The following GLMN variants were observed in gnomAD, a reference collection of about 807,000 sequenced individuals.
The protein encoded by GLMN is glomulin.
In GLMN, 75 loss-of-function variants were observed where a neutral mutation model predicts 87.8. That is an observed-to-expected ratio of 0.85 (90% CI 0.71 to 1.04). The LOEUF (loss-of-function observed/expected upper bound fraction) is 1.04. Among genes scored for constraint, GLMN ranks in the 50% least tolerant of loss-of-function variants. The probability of loss-of-function intolerance (pLI) is 0.00; values close to 1 mark genes in which losing one functional copy is unlikely to be tolerated. For synonymous variants in GLMN, 206 were observed against 221.6 expected (o/e 0.93, Z 0.63); for missense variants, 588 against 658.8 (o/e 0.89, Z 1.18).
chr1:92,365,059 C>T, the GLMN span, among the ~76,000 whole-genome samples: 2 of 152,158 alleles, frequency 1.3e-5, no homozygotes, highest in Admixed American at 1.3e-4. Context: ...ATGCTTGAAA[C>T]TTATTTTCTT....
At chr1:92,357,290 A>C in the GLMN span, among the ~76,000 whole-genome samples, 1 of 152,204 alleles carries the variant, frequency 6.6e-6, no homozygotes, top group Non-Finnish European at 1.5e-5. Context: ...TGAATGTGTT[A>C]AATGCCAAAA....
the GLMN span, among the ~76,000 whole-genome samples, chr1:92,316,356 C>T: frequency 6.6e-6 from 1 of 152,166 alleles, no homozygotes; most frequent in South Asian, 2.1e-4. Context: ...CTTTCTGAAA[C>T]AGGGTTTGAC....
Position 92,297,953 on chromosome 1 carries a change from A to T in GLMN, c.39+8T>A, listed in dbSNP as rs1326178779. The stretch of plus-strand genomic sequence containing the variant: ...AAGGTATTTAATTTTACAAAAATTA[A>T]TACTTACACATCTCTTTATTATAGA... On this transcript the variant is annotated splice_region_variant and intron_variant, in intron 2 of 18. Coordinates refer to ENST00000370360, the MANE Select transcript of GLMN (RefSeq NM_053274.3). 2.3e-6 allele frequency: 3 copies of T among 1,300,232 alleles called. No homozygotes were observed. Among genetic ancestry groups the T allele is most frequent in the Non-Finnish European group, 3.4e-6 (3 of 894,740 alleles). 80.5% of individuals were successfully genotyped at this position (1,300,232 alleles called of 1,614,324 possible).
At chr1:92,299,238 G>T, upstream of GLMN, 1 of 671,248 alleles carries the variant, frequency 1.5e-6, no homozygotes, top group East Asian at 3.4e-5. Flanking sequence ...CTCCTGAAAG[G>T]CTGCTTCAGG....
the GLMN span, chr1:92,324,043 A>G: frequency 1.9e-6 from 3 of 1,613,810 alleles, no homozygotes; most frequent in African/African-American, 1.3e-5. Flanking sequence ...GGAGACTTTG[A>G]TTGAGTGGAA....
At chr1:92,330,007 C>A in the GLMN span, among the ~76,000 whole-genome samples, 2,124 of 152,238 alleles carry the variant, frequency 0.014, 49 homozygotes, top group African/African-American at 0.048. Context: ...CCCTCACCAC[C>A]CCTAGACCTC....
chr1:92,353,796 C>T, the GLMN span, among the ~76,000 whole-genome samples: 3 of 152,012 alleles, frequency 2.0e-5, no homozygotes, highest in Admixed American at 6.6e-5. Flanking sequence ...GTAAGAAAAA[C>T]ATATCTTTAA....
At chr1:92,351,288 C>G in the GLMN span, among the ~76,000 whole-genome samples, 1,794 of 115,658 alleles carry the variant, frequency 0.016, 63 homozygotes, top group African/African-American at 0.058. Context: ...GCCTGGTGAC[C>G]GAGTGAGACT....
chr1:92,298,904 C>A, intron 1 of GLMN, 21 bp downstream of exon 1: 1 of 435,236 alleles, frequency 2.3e-6, no homozygotes. Flanking sequence ...CCACCCTGAA[C>A]CTCTCCACAA....
At position 92,291,503 on chromosome 1, in the gene GLMN, C is replaced by A; in HGVS notation, c.200G>T (p.Gly67Val). The change falls in exon 4 of 19, where the codon GGT becomes GTT. Residue 67 changes from glycine (G) to valine (V), a missense_variant. By Grantham distance (109) the Gly-to-Val change is moderately radical. Transcript: ENST00000370360. ...IIKNMGWNLV[G>V]PVVRCLLCKD... ...ACACAAAAGGCATCGAACAACAGGACCAACGAGATTCCAGCCCATATTCTT... is the reference window on the plus strand; with the variant it reads ...ACACAAAAGGCATCGAACAACAGGAACAACGAGATTCCAGCCCATATTCTT... 6.2e-7 allele frequency: 1 copy of A among 1,612,932 alleles called. No homozygotes were observed. Among genetic ancestry groups the A allele is most frequent in the Non-Finnish European group, 8.5e-7 (1 of 1,178,934 alleles).
chr1:92,333,470 A>C, the GLMN span: 1 of 1,608,696 alleles, frequency 6.2e-7, no homozygotes, highest in Non-Finnish European at 8.5e-7. Flanking sequence ...AAGTTGAGTA[A>C]AGTGTAAGTA....
At chr1:92,352,833 CCTAT>C in the GLMN span, among the ~76,000 whole-genome samples, 2 of 152,164 alleles carry the variant, frequency 1.3e-5, no homozygotes, top group African/African-American at 2.4e-5. Context: ...AAAGAAACCT[CCTAT>C]CTATTAGTTC....
intron 16 of GLMN, among the ~76,000 whole-genome samples, chr1:92,251,504 AG>A (rs1402403126): frequency 6.6e-6 from 1 of 152,172 alleles, no homozygotes; most frequent in African/African-American, 2.4e-5. Context: ...AATTTCTACA[AG>A]AAATTACCTT....
the GLMN span, among the ~76,000 whole-genome samples, chr1:92,345,436 G>A: frequency 1.5e-5 from 2 of 135,596 alleles, no homozygotes; most frequent in Non-Finnish European, 3.2e-5. Flanking sequence ...AGGAAGGAAG[G>A]AAGGGAGGGA....
the GLMN span, among the ~76,000 whole-genome samples, chr1:92,369,813 A>C: frequency 6.6e-6 from 1 of 152,216 alleles, no homozygotes; most frequent in African/African-American, 2.4e-5. Flanking sequence ...AAAGAGAGGA[A>C]GCAGGTGTTT....
chr1:92,290,118 G>A (rs563785841), intron 5 of GLMN, 80 bp downstream of exon 5: 20 of 825,766 alleles, frequency 2.4e-5, no homozygotes, highest in South Asian at 2.3e-4. Context: ...TTACTTTGGT[G>A]TAGTATTGAC....
At chr1:92,331,818 T>TAA in the GLMN span, among the ~76,000 whole-genome samples, 1 of 152,294 alleles carries the variant, frequency 6.6e-6, no homozygotes, top group East Asian at 1.9e-4. Context: ...CTTCTCTTAG[T>TAA]ATCAGTTGAT....
chr1:92,285,162 C>T (rs1648576471), intron 7 of GLMN, among the ~76,000 whole-genome samples: 1 of 152,182 alleles, frequency 6.6e-6, no homozygotes, highest in African/African-American at 2.4e-5. Context: ...GACACATGCA[C>T]ATGTGTGTTT....
In GLMN at chr1:92,289,147, A is replaced by G; in HGVS notation, c.399T>C (p.Ile133=). 6.4e-7 allele frequency: 1 copy of G among 1,555,724 alleles called. No homozygotes were observed. The highest frequency in any genetic ancestry group is 8.9e-7 in the Non-Finnish European group (1 of 1,126,864). ...AATATGCCTTGTTATGAAGTTTCTG[A>G]ATCACTAAAACAGAGATCAAGTTGT... is the stretch of plus-strand genomic sequence containing the variant. ...LLLLQPLQTV[I]QKLHNKAYSI... Residue 133 remains isoleucine (I), a synonymous_variant, in exon 6 of 19, where the codon ATT becomes ATC. Coordinates refer to ENST00000370360, the MANE Select transcript of GLMN (RefSeq NM_053274.3).
Sources: allele counts gnomAD v4.1 joint callset (sites outside exome capture counted in the v4.1 genomes callset), GRCh38; gene constraint gnomAD v4.1.1; transcripts MANE v1.5; gene names NCBI Gene and HGNC (gene_info 2026-07-23, HGNC 2026-07-21).